Variants in NIBAN1 observed in about 807,000 individuals in gnomAD.
NIBAN1 encodes the protein niban apoptosis regulator 1.
Under a neutral mutation model 75.1 loss-of-function variants are expected in NIBAN1, and 81 were observed. That is an observed-to-expected ratio of 1.08 (90% confidence interval 0.90 to 1.30). The LOEUF is 1.30. NIBAN1 is among the 50% of genes most tolerant of loss of function. NIBAN1 has a pLI of 0.00. For missense variants in NIBAN1, 1,133 were observed against 1,128.1 expected (o/e 1.00, Z -0.06); for synonymous variants, 436 against 424.8 (o/e 1.03, Z -0.32).
intron 3 of NIBAN1, 108 bp from the exon 4 acceptor site, chr1:184,890,330 C>T: frequency 1.3e-6 from 1 of 753,738 alleles, no homozygotes; most frequent in South Asian, 1.5e-5. Flanking sequence ...AGATAGCAAT[C>T]CCCATACTAT....
In NIBAN1 at chr1:184,899,340, G is replaced by A. The variant is rs748782755; in HGVS notation, c.56-31C>T. The A allele has an allele frequency of 6.8e-6, 11 of 1,611,080 alleles. No individual in the cohort carries two copies. The South Asian group carries it at 1.1e-4, about 16-fold the overall frequency. ...AAAATATGAAAATTAGAATTCTTAA[G>A]TATAGCACAGAATATACACCTATCT... On this transcript the variant is annotated intron_variant, in intron 1 of 13. Transcript: ENST00000367511.
chr1:184,894,353 C>A (rs112351383), intron 2 of NIBAN1, 147 bp from the exon 3 acceptor site: 6 of 784,840 alleles, frequency 7.6e-6, no homozygotes, highest in South Asian at 2.1e-5. Flanking sequence ...CCTCTCCCCC[C>A]ACAATTTCCC....
intron 12 of NIBAN1, 113 bp downstream of exon 12, chr1:184,803,472 C>G (rs544325410): frequency 1.3e-6 from 1 of 754,628 alleles, no homozygotes; most frequent in African/African-American, 1.8e-5. Context: ...ACAAAAATGT[C>G]TGCCAATCCC....
intron 10 of NIBAN1, 126 bp downstream of exon 10, chr1:184,807,948 A>C (rs774549272): frequency 1.6e-5 from 17 of 1,086,818 alleles, no homozygotes; most frequent in Non-Finnish European, 2.1e-5. Flanking sequence ...TCCTCCCGCA[A>C]CATGATGGCT....
At chr1:184,872,735 G>T (rs183904047) in intron 5 of NIBAN1, among the ~76,000 whole-genome samples, 10 of 151,834 alleles carry the variant, frequency 6.6e-5, no homozygotes, top group Admixed American at 1.3e-4. Flanking sequence ...AGGTTAAGAG[G>T]TGAGGAAGAT....
intron 2 of NIBAN1, among the ~76,000 whole-genome samples, chr1:184,894,768 C>T (rs1214365179): frequency 6.6e-6 from 1 of 152,176 alleles, no homozygotes; most frequent in Non-Finnish European, 1.5e-5. Context: ...AAAGAACAAG[C>T]AGGTATCAAG....
At chr1:184,927,932 C>T (rs900902021) in intron 1 of NIBAN1, among the ~76,000 whole-genome samples, 6 of 151,832 alleles carry the variant, frequency 4.0e-5, no homozygotes, top group African/African-American at 9.7e-5. Flanking sequence ...CTCTGTGGCC[C>T]CCACAGCTGG....
intron 1 of NIBAN1, among the ~76,000 whole-genome samples, chr1:184,973,904 C>G (rs183641161): frequency 6.6e-4 from 100 of 152,372 alleles, no homozygotes; most frequent in Middle Eastern, 3.4e-3. Context: ...CCGGGAATCC[C>G]CAGGGGTATC....
intron 1 of NIBAN1, among the ~76,000 whole-genome samples, chr1:184,932,457 C>T (rs760717997): frequency 3.9e-5 from 6 of 152,122 alleles, no homozygotes; most frequent in African/African-American, 7.2e-5. Context: ...AGTTCGTGCT[C>T]CTATAAGAAT....
intron 5 of NIBAN1, among the ~76,000 whole-genome samples, chr1:184,880,709 C>A (rs1477982656): frequency 1.3e-5 from 2 of 152,186 alleles, no homozygotes; most frequent in African/African-American, 4.8e-5. Flanking sequence ...TGTGTTCAGC[C>A]CTCTGTATTG....
In NIBAN1 at chr1:184,831,838, C is replaced by A. The variant is rs1557880928; in HGVS notation, c.717+9G>T. ...CAGAGAGAATCCAAAATTTTGAACC[C>A]CATATTACCTGGATTTCATCCCCAG... On this transcript the variant is annotated intron_variant, in intron 6 of 13. Transcript: ENST00000367511. 6.2e-7 allele frequency: 1 copy of A among 1,605,954 alleles called. No homozygotes were observed. Among genetic ancestry groups the A allele is most frequent in the East Asian group, 2.2e-5 (1 of 44,834 alleles).
chr1:184,952,421 A>G (rs1329457225), intron 1 of NIBAN1, among the ~76,000 whole-genome samples: 1 of 152,176 alleles, frequency 6.6e-6, no homozygotes, highest in African/African-American at 2.4e-5. Flanking sequence ...AAAGAAAAAG[A>G]AATAGATGTG....
chr1:184,931,081 C>T (rs1657809790), intron 1 of NIBAN1, among the ~76,000 whole-genome samples: 1 of 150,066 alleles, frequency 6.7e-6, no homozygotes, highest in Non-Finnish European at 1.5e-5. Flanking sequence ...CTCACTGCAA[C>T]CTCCATCTTC....
intron 1 of NIBAN1, among the ~76,000 whole-genome samples, chr1:184,952,529 A>G (rs1658384648): frequency 6.6e-6 from 1 of 152,224 alleles, no homozygotes; most frequent in Non-Finnish European, 1.5e-5. Context: ...CTTGGGCCAT[A>G]CATAAAATAT....
intron 5 of NIBAN1, among the ~76,000 whole-genome samples, chr1:184,856,375 G>A (rs1157018723): frequency 6.6e-6 from 1 of 152,008 alleles, no homozygotes; most frequent in Non-Finnish European, 1.5e-5. Flanking sequence ...AATGCTTATT[G>A]TAGTACCTAA....
chr1:184,798,743 C>T (rs949044323), intron 12 of NIBAN1, among the ~76,000 whole-genome samples: 14 of 152,022 alleles, frequency 9.2e-5, no homozygotes, highest in African/African-American at 2.7e-4. Context: ...TTTCCATCAC[C>T]CCCAAAGTTC....
intron 1 of NIBAN1, among the ~76,000 whole-genome samples, chr1:184,963,537 A>C (rs1324330363): frequency 1.3e-5 from 2 of 152,212 alleles, no homozygotes; most frequent in Non-Finnish European, 2.9e-5. Flanking sequence ...AAATTATTAC[A>C]ACTAATAAGA....
intron 1 of NIBAN1, among the ~76,000 whole-genome samples, chr1:184,967,014 G>A (rs561037499): frequency 1.4e-4 from 22 of 152,280 alleles, no homozygotes; most frequent in African/African-American, 4.1e-4. Flanking sequence ...CCTCTAAAGC[G>A]TTTATTCTCT....
intron 8 of NIBAN1, among the ~76,000 whole-genome samples, chr1:184,819,109 T>G (rs1240060867): frequency 6.6e-6 from 1 of 152,128 alleles, no homozygotes; most frequent in Non-Finnish European, 1.5e-5. Flanking sequence ...CATGCAACTC[T>G]TCATATGAAG....
Sources: gnomAD v4.1 joint callset for allele counts (sites outside exome capture counted in the v4.1 genomes callset) on GRCh38, gnomAD v4.1.1 for gene constraint, MANE v1.5 for transcripts, NCBI Gene and HGNC (gene_info 2026-07-23, HGNC 2026-07-21) for gene names.